Variants in PCDHGA9 observed in about 807,000 individuals in gnomAD.
The protein encoded by PCDHGA9 is protocadherin gamma subfamily A, 9.
Under a neutral mutation model 62.5 loss-of-function variants are expected in PCDHGA9, and 37 were observed. That is an observed-to-expected ratio of 0.59 (90% CI 0.46 to 0.78). The LOEUF (loss-of-function observed/expected upper bound fraction) is 0.78, where lower values mean the gene tolerates loss of function less well. PCDHGA9 is among the 30% of genes least tolerant of loss of function. The pLI is 0.00. For missense variants in PCDHGA9, 1,138 were observed against 1,166.2 expected (o/e 0.98, Z 0.35); for synonymous variants, 459 against 484.6 (o/e 0.95, Z 0.69).
intron 3 of PCDHGA9, among the ~76,000 whole-genome samples, chr5:141,509,745 T>C (rs1456852988): frequency 6.6e-6 from 1 of 152,186 alleles, no homozygotes; most frequent in East Asian, 1.9e-4. Context: ...TCTGAGCCTG[T>C]GCCTAAAGTG....
In PCDHGA9 at chr5:141,476,802, C is replaced by T; in HGVS notation, c.2425-18005C>T. 2 of 1,613,638 alleles carry T rather than the reference C, an allele frequency of 1.2e-6. No homozygotes were observed. The highest frequency in any genetic ancestry group is 1.7e-6 in the Non-Finnish European group (2 of 1,180,020). On this transcript the variant is annotated intron_variant, in intron 1 of 3. Coordinates refer to ENST00000573521, the MANE Select transcript of PCDHGA9 (RefSeq NM_018921.3). The surrounding 1 kb of genome is among the most constrained non-coding windows in gnomAD (Gnocchi z 7.6). ...ACCCCAGCTCTCTCCGCCAGCCTGC[C>T]TATTCACATCAAGGTGCTGGACGCG... is the stretch of plus-strand genomic sequence containing the variant.
chr5:141,466,933 C>A (rs1305734739), intron 1 of PCDHGA9, among the ~76,000 whole-genome samples: 1 of 152,100 alleles, frequency 6.6e-6, no homozygotes, highest in Non-Finnish European at 1.5e-5. Context: ...GAATATTAGT[C>A]CTTTGTCCAG....
chr5:141,509,371 T>C (rs2099876508), intron 3 of PCDHGA9, among the ~76,000 whole-genome samples: 1 of 152,258 alleles, frequency 6.6e-6, no homozygotes, highest in South Asian at 2.1e-4. Context: ...AGGTTTTAAC[T>C]GTCTCCTAAC....
chr5:141,445,389 C>T (rs1484183450), intron 1 of PCDHGA9, among the ~76,000 whole-genome samples: 1 of 152,174 alleles, frequency 6.6e-6, no homozygotes, highest in Non-Finnish European at 1.5e-5. Flanking sequence ...CATTCATTTA[C>T]ATAACAAATA....
chr5:141,415,044 G>T, intron 1 of PCDHGA9: 2 of 1,613,506 alleles, frequency 1.2e-6, no homozygotes, highest in East Asian at 2.2e-5. Flanking sequence ...TCTTCGCGGT[G>T]GGGGAGCACA....
intron 3 of PCDHGA9, 118 bp downstream of exon 3, chr5:141,505,599 G>A (rs936757644): frequency 1.5e-5 from 23 of 1,555,468 alleles, no homozygotes; most frequent in South Asian, 2.4e-5. Flanking sequence ...CAGATCTTTC[G>A]GCAGGTCTGA....
chr5:141,426,364 G>C (rs918838005), intron 1 of PCDHGA9: 1 of 202,328 alleles, frequency 4.9e-6, no homozygotes, highest in Non-Finnish European at 1.0e-5. Flanking sequence ...TTTGTTCTGC[G>C]GGGCACCCTC....
chr5:141,458,513 GT>G (rs537551567), intron 1 of PCDHGA9, among the ~76,000 whole-genome samples: 34 of 146,056 alleles, frequency 2.3e-4, no homozygotes, highest in South Asian at 6.5e-4. Flanking sequence ...TTGACACTTT[GT>G]TTTTTTTTTT....
chr5:141,469,476 G>A (rs2154570344), intron 1 of PCDHGA9, among the ~76,000 whole-genome samples: 1 of 152,246 alleles, frequency 6.6e-6, no homozygotes, highest in South Asian at 2.1e-4. Context: ...TCGGGAGGCT[G>A]AGGCAGGAGA....
chr5:141,427,764 T>C (rs1239199764), intron 1 of PCDHGA9: 4 of 1,383,480 alleles, frequency 2.9e-6, no homozygotes, highest in Non-Finnish European at 4.1e-6. Context: ...TACCACTGAC[T>C]TGGAGCTGCG....
At chr5:141,501,402 G>A (rs527659990) in intron 2 of PCDHGA9, among the ~76,000 whole-genome samples, 5 of 151,740 alleles carry the variant, frequency 3.3e-5, no homozygotes, top group Non-Finnish European at 7.4e-5. Flanking sequence ...ACAGGCCACT[G>A]CTTGGAAAAT....
At position 141,490,707 on chromosome 5, in the gene PCDHGA9, C is replaced by T; in HGVS notation, c.2425-4100C>T. ...CAGACACTGGGGATAATGCCCGCCT[C>T]ACCTACTCCATTGTAGGAAATCAGG... On this transcript the variant is annotated intron_variant, in intron 1 of 3. Transcript: ENST00000573521. The surrounding 1 kb of genome is among the most constrained non-coding windows in gnomAD (Gnocchi z 5.4). The T allele has an allele frequency of 3.1e-6, 5 of 1,614,194 alleles. No individual in the cohort carries two copies. Among genetic ancestry groups the T allele is most frequent in the Non-Finnish European group, 3.4e-6 (4 of 1,180,008 alleles).
chr5:141,446,692 G>T (rs543476108), intron 1 of PCDHGA9, among the ~76,000 whole-genome samples: 2 of 152,280 alleles, frequency 1.3e-5, no homozygotes, highest in African/African-American at 4.8e-5. Context: ...TGGCCAGGCT[G>T]GTCTCGAACT....
intron 1 of PCDHGA9, among the ~76,000 whole-genome samples, chr5:141,474,703 C>G (rs2099353282): frequency 6.6e-6 from 1 of 152,188 alleles, no homozygotes; most frequent in Admixed American, 6.5e-5. Flanking sequence ...GTTCAAGGTT[C>G]TATTATACTT....
Position 141,494,802 on chromosome 5 carries a change from C to T in PCDHGA9, c.2425-5C>T. 5 of 1,614,120 alleles carry T rather than the reference C, an allele frequency of 3.1e-6. No individual in the cohort carries two copies. The highest frequency in any genetic ancestry group is 4.2e-6 in the Non-Finnish European group (5 of 1,180,016). ...TCAGCCCCTTTCCCTCTGTTTTCTC[C>T]ACAGCAAGCCCCGCCCAACACGGAC... is the stretch of plus-strand genomic sequence containing the variant. On this transcript the variant is annotated splice_polypyrimidine_tract_variant and splice_region_variant and intron_variant, in intron 1 of 3. Transcript: ENST00000573521.
At chr5:141,468,822 A>C (rs867400152) in intron 1 of PCDHGA9, among the ~76,000 whole-genome samples, 4 of 151,874 alleles carry the variant, frequency 2.6e-5, no homozygotes, top group Middle Eastern at 3.4e-3. Context: ...GCCAAGATCA[A>C]GCCACTGCAC....
Position 141,510,866 on chromosome 5 carries a change from C to G in PCDHGA9, c.2573-81C>G. 1.9e-6 allele frequency: 3 copies of G among 1,607,908 alleles called. No homozygotes were observed. The East Asian group carries it at 6.7e-5, about 36-fold the overall frequency. ...AGGCCCAGGGTGCTGTATAGGCATT[C>G]ATTAACTGCTGGGGATATAAGACAG... On this transcript the variant is annotated intron_variant, in intron 3 of 3. Coordinates refer to ENST00000573521, the MANE Select transcript of PCDHGA9 (RefSeq NM_018921.3).
rs752392369 is a variant in PCDHGA9 at position 141,422,109 on chromosome 5, A to G, written c.2424+16733A>G. ...AAAGCAAGGCTTCTGAAATATTCCA[A>G]TTGGATTCACAAACTGGAGAAGTTC... On this transcript the variant is annotated intron_variant, in intron 1 of 3. Coordinates refer to ENST00000573521, the MANE Select transcript of PCDHGA9 (RefSeq NM_018921.3). 6 of 1,606,850 alleles carry G rather than the reference A, an allele frequency of 3.7e-6. No homozygotes were observed. The African/African-American group carries it at 4.0e-5, about 11-fold the overall frequency.
intron 1 of PCDHGA9, among the ~76,000 whole-genome samples, chr5:141,451,873 C>A (rs1425706652): frequency 1.3e-5 from 2 of 151,830 alleles, no homozygotes; most frequent in East Asian, 3.9e-4. Context: ...AGAATGAAAC[C>A]CTGTCAAGAA....
Sources: allele counts gnomAD v4.1 joint callset (sites outside exome capture counted in the v4.1 genomes callset), GRCh38; gene constraint gnomAD v4.1.1; non-coding constraint Gnocchi (gnomAD v3.1); transcripts MANE v1.5; gene names NCBI Gene and HGNC (gene_info 2026-07-23, HGNC 2026-07-21).